The following TDRD5 variants were observed in gnomAD, a reference collection of about 807,000 sequenced individuals.
TDRD5 encodes tudor domain containing 5.
In TDRD5, 41 loss-of-function variants were observed where a neutral mutation model predicts 120.6. That is an observed-to-expected ratio of 0.34 (90% CI 0.26 to 0.44). The LOEUF (loss-of-function observed/expected upper bound fraction) is 0.44, where lower values mean the gene tolerates loss of function less well. TDRD5 is among the 20% of genes least tolerant of loss of function. The pLI is 1.00. For missense variants in TDRD5, 1,006 were observed against 1,221.2 expected, an observed-to-expected ratio of 0.82 and a Z score of 2.63; for synonymous variants, 430 against 433.7, an observed-to-expected ratio of 0.99 and a Z score of 0.11.
At chr1:179,672,062 A>G (rs1679883872) in intron 17 of TDRD5, among the ~76,000 whole-genome samples, 1 of 150,892 alleles carries the variant, frequency 6.6e-6, no homozygotes. Flanking sequence ...TACCATTACA[A>G]ATTGTGCTGC....
rs764504065 is a variant in TDRD5 at position 179,690,802 on chromosome 1, T to C, written c.2967T>C (p.Ile989=). ...AATCTGTAGACCAGCTGTCTTTGAT[T>C]TTGTCTTATGAGTGCCAGATTTCTC... is the stretch of plus-strand genomic sequence containing the variant. ...RQESVDQLSL[I]LSYECQISQK... The change falls in exon 18 of 18, where the codon ATT becomes ATC. Residue 989 remains isoleucine, a synonymous_variant. Coordinates refer to ENST00000444136, the MANE Select transcript of TDRD5 (RefSeq NM_001199085.3). 11 of 1,614,124 alleles carry C rather than the reference T, an allele frequency of 6.8e-6. No homozygotes were observed. The African/African-American group carries it at 1.3e-4, about 20-fold the overall frequency.
intron 4 of TDRD5, among the ~76,000 whole-genome samples, chr1:179,605,489 G>A (rs1409690102): frequency 2.0e-5 from 3 of 152,122 alleles, no homozygotes; most frequent in Non-Finnish European, 4.4e-5. Context: ...AGGAGGTGGG[G>A]GGTAGGAGGG....
chr1:179,665,945 A>C (rs1027500898), intron 16 of TDRD5, among the ~76,000 whole-genome samples: 8 of 152,074 alleles, frequency 5.3e-5, no homozygotes, highest in African/African-American at 1.9e-4. Context: ...TTTCTACTGG[A>C]GTGTTCTCAT....
At chr1:179,670,315 CCAG>C (rs1489912702) in intron 17 of TDRD5, among the ~76,000 whole-genome samples, 1 of 151,892 alleles carries the variant, frequency 6.6e-6, no homozygotes, top group Non-Finnish European at 1.5e-5. Flanking sequence ...TTGCTTGAAC[CCAG>C]GCGGCAGAGG....
At chr1:179,611,071 T>C (rs1221370299) in intron 4 of TDRD5, among the ~76,000 whole-genome samples, 1 of 152,136 alleles carries the variant, frequency 6.6e-6, no homozygotes, top group Non-Finnish European at 1.5e-5. Flanking sequence ...ATACTTTTTT[T>C]TTTTTTGATG....
intron 1 of TDRD5, chr1:179,592,346 CG>C (rs1302573580): frequency 1.2e-5 from 5 of 405,178 alleles, no homozygotes; most frequent in African/African-American, 1.0e-4. Flanking sequence ...GTCCAACACC[CG>C]ACAGGAACCC....
At chr1:179,594,508 T>C (rs1675282903) in intron 3 of TDRD5, among the ~76,000 whole-genome samples, 1 of 152,250 alleles carries the variant, frequency 6.6e-6, no homozygotes, top group Admixed American at 6.5e-5. Context: ...CAGCTCTTAT[T>C]GCTGCCCATC....
At position 179,654,371 on chromosome 1, in the gene TDRD5, A is replaced by G; in HGVS notation, c.2322+9A>G. On this transcript the variant is annotated intron_variant, in intron 14 of 17. Transcript: ENST00000444136. The stretch of plus-strand genomic sequence containing the variant: ...TGAAGGAAGAAAATGAGGTAGGAGA[A>G]GGAAAGATAGTCTTTGAATATGTAA... 6.6e-7 allele frequency: 1 copy of G among 1,522,520 alleles called. No individual in the cohort carries two copies. The highest frequency in any genetic ancestry group is 2.5e-5 in the East Asian group (1 of 40,532). The allele number at this position is 1,522,520 out of a possible 1,614,324, so 94.3% of individuals were successfully genotyped here.
At chr1:179,615,328 G>T (rs967981373) in intron 4 of TDRD5, among the ~76,000 whole-genome samples, 3 of 152,056 alleles carry the variant, frequency 2.0e-5, no homozygotes, top group Admixed American at 6.6e-5. Flanking sequence ...TTTATAATTT[G>T]ATGGGCAAAT....
At chr1:179,670,284 G>C (rs1470135913) in intron 17 of TDRD5, among the ~76,000 whole-genome samples, 1 of 151,858 alleles carries the variant, frequency 6.6e-6, no homozygotes, top group Non-Finnish European at 1.5e-5. Context: ...CAGCTACTTG[G>C]GGGAGGCTGA....
At chr1:179,651,794 T>G (rs1410367501) in intron 12 of TDRD5, among the ~76,000 whole-genome samples, 1 of 151,774 alleles carries the variant, frequency 6.6e-6, no homozygotes. Flanking sequence ...GTGCCTGTAG[T>G]CCCAGCTACT....
chr1:179,613,186 T>C (rs1289269449), intron 4 of TDRD5, among the ~76,000 whole-genome samples: 1 of 152,180 alleles, frequency 6.6e-6, no homozygotes, highest in Non-Finnish European at 1.5e-5. Context: ...ATATAAGAGG[T>C]GAAACATTTT....
At chr1:179,629,759 C>CAA (rs1677331678) in intron 6 of TDRD5, among the ~76,000 whole-genome samples, 1 of 150,448 alleles carries the variant, frequency 6.6e-6, no homozygotes, top group African/African-American at 2.4e-5. Flanking sequence ...GAAACTAAAA[C>CAA]AATGTTGGTG....
chr1:179,630,903 A>G lies in TDRD5; in HGVS notation c.1109A>G (p.Lys370Arg). The G allele has an allele frequency of 6.2e-7, 1 of 1,613,316 alleles. No individual in the cohort carries two copies. ...GACTTACTAGTGTTTGATGCGGATA[A>G]GAAGCCTCTACCACCTGGTGAGTGG... is the stretch of plus-strand genomic sequence containing the variant. ...HQDLLVFDAD[K>R]KPLPPVQSDK... The change falls in exon 7 of 18, where the codon AAG becomes AGG. Residue 370 changes from lysine to arginine, a missense_variant. By Grantham distance (26) the Lys-to-Arg change is conservative. This residue lies in a region of TDRD5 where 445 missense variants were observed against 515.5 expected (regional missense o/e 0.86). Transcript: ENST00000444136.
intron 7 of TDRD5, among the ~76,000 whole-genome samples, chr1:179,632,195 C>T (rs1441100600): frequency 6.6e-6 from 1 of 151,934 alleles, no homozygotes; most frequent in Non-Finnish European, 1.5e-5. Context: ...CGTGAGACAC[C>T]ACTCCCGGCC....
intron 6 of TDRD5, among the ~76,000 whole-genome samples, chr1:179,626,521 A>G (rs549080687): frequency 4.4e-4 from 67 of 152,306 alleles, no homozygotes; most frequent in African/African-American, 1.6e-3. Flanking sequence ...TGTGCATTTC[A>G]CTGCGTGTAA....
At chr1:179,651,264 T>C (rs985909004) in intron 12 of TDRD5, among the ~76,000 whole-genome samples, 197 bp downstream of exon 12, 1 of 152,212 alleles carries the variant, frequency 6.6e-6, no homozygotes, top group Non-Finnish European at 1.5e-5. Flanking sequence ...CTAATTGTCC[T>C]TTGAAATGTG....
chr1:179,603,964 C>T (rs752730603), intron 4 of TDRD5, among the ~76,000 whole-genome samples: 26 of 152,200 alleles, frequency 1.7e-4, no homozygotes, highest in Non-Finnish European at 3.2e-4. Context: ...ACCAATTCTT[C>T]TTTGAATGTC....
chr1:179,608,375 TCTC>T (rs1676101988), intron 4 of TDRD5, among the ~76,000 whole-genome samples: 1 of 152,122 alleles, frequency 6.6e-6, no homozygotes, highest in South Asian at 2.1e-4. Flanking sequence ...AATATTTTTC[TCTC>T]CTCTTTTGGA....
Sources: gnomAD v4.1 joint callset for allele counts (sites outside exome capture counted in the v4.1 genomes callset) on GRCh38, gnomAD v4.1.1 for gene constraint, gnomAD v4.1.1 regional missense constraint, MANE v1.5 for transcripts, NCBI Gene and HGNC (gene_info 2026-07-23, HGNC 2026-07-21) for gene names.